The following ITFG2 variants were observed in gnomAD, a reference collection of about 807,000 sequenced individuals.
The protein encoded by ITFG2 is KICSTOR complex protein ITFG2.
A neutral mutation model predicts 54.4 loss-of-function variants in ITFG2; 36 were observed. The observed-to-expected ratio is 0.66, with a 90% CI of 0.51 to 0.87. The LOEUF is 0.87. Ranked by LOEUF, ITFG2 falls within the 40% of genes least tolerant of loss-of-function variation. The pLI, the probability that ITFG2 is intolerant of heterozygous loss-of-function variation, is 0.00. For synonymous variants in ITFG2, 211 were observed against 225.4 expected (o/e 0.94, Z 0.57); for missense variants, 524 against 576.7 (o/e 0.91, Z 0.94).
At chr12:2,839,902 A>G (rs11835434) in intron 1 of ITFG2, among the ~76,000 whole-genome samples, 29,962 of 152,088 alleles carry the variant, frequency 0.2, 3,518 homozygotes, top group South Asian at 0.34. Context: ...GAGCTAAACA[A>G]TGAGTACAAA....
intron 3 of ITFG2, 70 bp downstream of exon 3, chr12:2,818,020 A>C: frequency 6.2e-7 from 1 of 1,609,206 alleles, no homozygotes; most frequent in Non-Finnish European, 8.5e-7. Flanking sequence ...TAAAGGCTTC[A>C]GCTCTGACCT....
intron 2 of ITFG2, among the ~76,000 whole-genome samples, chr12:2,851,435 T>G (rs2098070535): frequency 6.6e-6 from 1 of 152,024 alleles, no homozygotes; most frequent in Admixed American, 6.6e-5. Flanking sequence ...CTCCACCTCC[T>G]GCATTCAAGC....
At chr12:2,852,146 T>C (rs138985785) in intron 2 of ITFG2, among the ~76,000 whole-genome samples, 3,742 of 152,338 alleles carry the variant, frequency 0.025, 63 homozygotes, top group Non-Finnish European at 0.039. Flanking sequence ...CTTCCTGTTA[T>C]GTGTCCTGCC....
downstream of ITFG2, chr12:2,826,960 G>A (rs757208416): frequency 9.8e-6 from 13 of 1,329,056 alleles, no homozygotes; most frequent in Non-Finnish European, 1.2e-5. Context: ...TTTCTTGGGA[G>A]GAAGATGAAT....
At chr12:2,844,943 C>CAAGCGTG (rs1419470905) in intron 2 of ITFG2, among the ~76,000 whole-genome samples, 1 of 152,232 alleles carries the variant, frequency 6.6e-6, no homozygotes, top group African/African-American at 2.4e-5. Context: ...ACATTCTTTA[C>CAAGCGTG]AAGCGTGGAG....
At position 2,857,342 on chromosome 12, in the gene ITFG2, CTG is replaced by C. The variant is rs558848518; in HGVS notation, n.301-669_301-668del. On this transcript the variant is annotated intron_variant and non_coding_transcript_variant, in intron 2 of 3. Transcript: ENST00000537710. Reference sequence around the variant, plus strand: ...GGCAGTGGGAATGAAGCACCTGTAACTGGGCCCTTCCTGCCCTAATGTTCAGG... The same window carrying C: ...GGCAGTGGGAATGAAGCACCTGTAACGGCCCTTCCTGCCCTAATGTTCAGG... 1.0e-3 allele frequency: 434 copies of C among 426,864 alleles called. 5 individuals are homozygous for C. Among genetic ancestry groups the C allele is most frequent in the African/African-American group, 8.0e-3 (402 of 50,064 alleles). The allele number at this position is 426,864 out of a possible 1,614,324, so 26.4% of individuals were successfully genotyped here. A position where few individuals can be genotyped will look rare whatever the true frequency, so the allele number is the denominator to read the frequency against.
chr12:2,849,795 A>G (rs2098064313), intron 2 of ITFG2, among the ~76,000 whole-genome samples: 1 of 152,182 alleles, frequency 6.6e-6, no homozygotes, highest in Non-Finnish European at 1.5e-5. Flanking sequence ...ATATAATATT[A>G]TGATCCAGAT....
chr12:2,828,651 C>G (rs1411841838), downstream of ITFG2, among the ~76,000 whole-genome samples: 2 of 151,884 alleles, frequency 1.3e-5, no homozygotes, highest in African/African-American at 2.4e-5. Context: ...ACCAGCCTGA[C>G]CAGGGTTTAG....
chr12:2,812,852 A>C lies in ITFG2; in HGVS notation c.92A>C (p.Asp31Ala), dbSNP rs527760138. 22 of 1,610,536 alleles carry C rather than the reference A, an allele frequency of 1.4e-5. No individual in the cohort carries two copies. The highest frequency in any genetic ancestry group is 1.9e-5 in the Non-Finnish European group (22 of 1,177,808). ...ATCTGCCTCGGAGACGTTGATAACG[A>C]TACGGTAGGTGCATGCGCACCGCAA... is the stretch of plus-strand genomic sequence containing the variant. ...HAICLGDVDN[D>A]TLNELVVGDT... The change falls in exon 1 of 12, where the codon GAT becomes GCT. Residue 31 changes from aspartate (D) to alanine (A), a missense_variant. By Grantham distance (126) the Asp-to-Ala change is moderately radical. Coordinates refer to ENST00000228799, the MANE Select transcript of ITFG2 (RefSeq NM_018463.4).
In ITFG2 at chr12:2,851,044, G is replaced by C. The variant is rs374914121; in HGVS notation, n.301-6968G>C. Reference sequence around the variant, plus strand: ...TAGCCAGGCATGGTGGCACGTGCCTGTAATCCCAGCTACTTGGGAGGCTGA... The same window carrying C: ...TAGCCAGGCATGGTGGCACGTGCCTCTAATCCCAGCTACTTGGGAGGCTGA... On this transcript the variant is annotated intron_variant and non_coding_transcript_variant, in intron 2 of 3. Coordinates refer to the ITFG2 transcript ENST00000537710. 2.9e-4 allele frequency among the ~76,000 whole-genome samples: 39 copies of C among 132,580 alleles called. 1 individual carries two copies. Among genetic ancestry groups the C allele is most frequent in the East Asian group, 2.1e-3 (9 of 4,230 alleles). 87.0% of individuals were successfully genotyped at this position (132,580 alleles called of 152,430 possible). A position where few individuals can be genotyped will look rare whatever the true frequency, so the allele number is the denominator to read the frequency against.
At chr12:2,830,470 G>A (rs1288865184) in intron 2 of ITFG2, 5 of 468,432 alleles carry the variant, frequency 1.1e-5, no homozygotes, top group Non-Finnish European at 1.9e-5. Flanking sequence ...TTTAAGTATT[G>A]TATTTTGACC....
At chr12:2,818,458 G>A (rs2097929418) in intron 4 of ITFG2, 181 bp downstream of exon 4, 2 of 1,290,690 alleles carry the variant, frequency 1.5e-6, no homozygotes, top group South Asian at 1.4e-5. Context: ...TGAATAAATA[G>A]ACAAAAATTG....
upstream of ITFG2, among the ~76,000 whole-genome samples, chr12:2,836,350 T>C (rs1245178471): frequency 1.3e-5 from 2 of 152,210 alleles, no homozygotes; most frequent in Non-Finnish European, 2.9e-5. Context: ...GGGAAACGCA[T>C]TGGCCAAGCA....
downstream of ITFG2, chr12:2,827,939 C>G (rs770140984): frequency 6.2e-7 from 1 of 1,614,102 alleles, no homozygotes; most frequent in Non-Finnish European, 8.5e-7. The surrounding 1 kb of genome is among the most constrained non-coding windows in gnomAD (Gnocchi z 4.0). Context: ...CCACCTGTGC[C>G]GAGCACACCA....
chr12:2,823,695 C>G, intron 10 of ITFG2, 75 bp from the exon 11 acceptor site: 1 of 1,474,924 alleles, frequency 6.8e-7, no homozygotes, highest in Non-Finnish European at 9.0e-7. Flanking sequence ...ACTCGGAGGT[C>G]TGTGTCTTGC....
At chr12:2,818,451 AT>A in intron 4 of ITFG2, 174 bp downstream of exon 4, 1 of 1,341,822 alleles carries the variant, frequency 7.5e-7, no homozygotes. Flanking sequence ...GCCATAGTGA[AT>A]AAATAGACAA....
intron 1 of ITFG2, among the ~76,000 whole-genome samples, chr12:2,813,944 A>C (rs930828302): frequency 6.6e-6 from 1 of 152,010 alleles, no homozygotes; most frequent in Non-Finnish European, 1.5e-5. Flanking sequence ...AATTTTTAAA[A>C]TTTTTTTGTT....
At chr12:2,821,447 G>A (rs1219753242) in intron 7 of ITFG2, 88 bp downstream of exon 7, 17 of 1,558,032 alleles carry the variant, frequency 1.1e-5, no homozygotes, top group African/African-American at 1.4e-5. Flanking sequence ...CCCTCATTTC[G>A]AGCCCTGTCC....
intron 2 of ITFG2, chr12:2,830,831 C>G (rs757365003): frequency 1.9e-6 from 3 of 1,613,706 alleles, no homozygotes; most frequent in South Asian, 2.2e-5. Flanking sequence ...TTCCCTCCAC[C>G]AGGCGTCTTT....
Sources: gnomAD v4.1 joint callset for allele counts (sites outside exome capture counted in the v4.1 genomes callset) on GRCh38, gnomAD v4.1.1 for gene constraint, Gnocchi (gnomAD v3.1) non-coding constraint, MANE v1.5 for transcripts, NCBI Gene and HGNC (gene_info 2026-07-23, HGNC 2026-07-21) for gene names.